Variants in GEMIN2 observed in about 807,000 individuals in gnomAD.
GEMIN2 encodes the protein gem-associated protein 2.
Under a neutral mutation model 45.8 loss-of-function variants are expected in GEMIN2, and 37 were observed. That is an observed-to-expected ratio of 0.81 (90% CI 0.62 to 1.06). GEMIN2 has a LOEUF of 1.06. Among genes scored for constraint, GEMIN2 ranks in the 50% least tolerant of loss-of-function variants. The pLI is 0.00. For missense variants in GEMIN2, 335 were observed against 321.8 expected (o/e 1.04, Z -0.31); for synonymous variants, 101 against 111.5 (o/e 0.91, Z 0.60).
At chr14:39,133,828 CTG>C (rs2052751399) in intron 9 of GEMIN2, 109 bp downstream of exon 9, 1 of 600,056 alleles carries the variant, frequency 1.7e-6, no homozygotes, top group East Asian at 3.1e-5. Flanking sequence ...GAGTCTCACT[CTG>C]TTGCTATAGT....
At chr14:39,133,330 T>A (rs927535595) in intron 8 of GEMIN2, among the ~76,000 whole-genome samples, 14 of 148,422 alleles carry the variant, frequency 9.4e-5, no homozygotes, top group Admixed American at 3.4e-4. Flanking sequence ...TATATATATA[T>A]ATATTCATCA....
At chr14:39,134,284 T>C (rs2052756941) in intron 9 of GEMIN2, 1 of 152,264 alleles carries the variant, frequency 6.6e-6, no homozygotes, top group Non-Finnish European at 1.5e-5. Context: ...AATGGCACCA[T>C]CTCGGCTCAC....
At chr14:39,118,670 C>T (rs757099396) in intron 4 of GEMIN2, 71 bp downstream of exon 4, 7 of 688,750 alleles carry the variant, frequency 1.0e-5, no homozygotes, top group East Asian at 2.5e-5. Context: ...TACTTCCAGT[C>T]GTTAAAGATT....
At chr14:39,132,302 G>A (rs189348395) in intron 8 of GEMIN2, among the ~76,000 whole-genome samples, 55 of 152,114 alleles carry the variant, frequency 3.6e-4, no homozygotes, top group Non-Finnish European at 6.3e-4. Context: ...AGGCTGAGGC[G>A]GGTGGCTCAC....
Position 39,136,674 on chromosome 14 carries a change from CCACT to C in GEMIN2, c.*198_*201del, listed in dbSNP as rs1265109429. 11 of 494,594 alleles carry C rather than the reference CCACT, an allele frequency of 2.2e-5. No individual in the cohort carries two copies. Among genetic ancestry groups the C allele is most frequent in the South Asian group, 1.0e-4 (3 of 28,734 alleles). 30.6% of individuals were successfully genotyped at this position (494,594 alleles called of 1,614,324 possible). ...ATATCTGAAATATCAATGGAAAATC[CCACT>C]CAGTTTTTGATGAACAGTTTGAACA... On this transcript the variant is annotated 3_prime_UTR_variant, in exon 10 of 10. Coordinates refer to ENST00000308317, the MANE Select transcript of GEMIN2 (RefSeq NM_003616.3).
At chr14:39,130,985 C>T (rs1330862930) in intron 7 of GEMIN2, among the ~76,000 whole-genome samples, 2 of 151,636 alleles carry the variant, frequency 1.3e-5, no homozygotes, top group Non-Finnish European at 2.9e-5. Context: ...GATATTACAA[C>T]TGATGAAATT....
chr14:39,128,372 CATA>C (rs1430590949), intron 7 of GEMIN2, 24 bp downstream of exon 7: 2 of 1,353,792 alleles, frequency 1.5e-6, no homozygotes, highest in African/African-American at 1.5e-5. Context: ...TTTTTCTTTT[CATA>C]ATGTAGGCAA....
In GEMIN2 at chr14:39,114,900, G is replaced by C. The variant is rs1387923634; in HGVS notation, c.209G>C (p.Ser70Thr). 2 of 1,516,242 alleles carry C rather than the reference G, an allele frequency of 1.3e-6. No homozygotes were observed. The highest frequency in any genetic ancestry group is 2.7e-5 in the African/African-American group (2 of 73,028). 93.9% of individuals were successfully genotyped at this position (1,516,242 alleles called of 1,614,324 possible). A position where few individuals can be genotyped will look rare whatever the true frequency, so the allele number is the denominator to read the frequency against. The change falls in exon 2 of 10, where the codon AGT becomes ACT. Residue 70 changes from serine (S) to threonine (T), a missense_variant. Physicochemically the swap from Ser to Thr is moderately conservative, Grantham distance 58. Coordinates refer to ENST00000308317, the MANE Select transcript of GEMIN2 (RefSeq NM_003616.3). ...IDPKKLKRKQ[S>T]VNISLSGCQP... ...CCAAAGAAGTTGAAAAGGAAGCAAA[G>C]TGTGAATATTTCTGTGAGTTTTATT...
At position 39,136,599 on chromosome 14, in the gene GEMIN2, A is replaced by ATAGTG; in HGVS notation, c.*121_*122insAGTGT. ...CTTCAACACTATGTGAAGGGTTCAC[A>ATAGTG]TCTTAACCTGTGCAATTCAGATTGA... On this transcript the variant is annotated 3_prime_UTR_variant, in exon 10 of 10. Transcript: ENST00000308317. 2.6e-6 allele frequency: 2 copies of ATAGTG among 760,160 alleles called. No individual in the cohort carries two copies. Among genetic ancestry groups the ATAGTG allele is most frequent in the Non-Finnish European group, 4.6e-6 (2 of 438,888 alleles). The allele number at this position is 760,160 out of a possible 1,614,324, so 47.1% of individuals were successfully genotyped here.
At chr14:39,126,491 T>G (rs775270468) in intron 6 of GEMIN2, among the ~76,000 whole-genome samples, 1 of 152,140 alleles carries the variant, frequency 6.6e-6, no homozygotes, top group South Asian at 2.1e-4. Flanking sequence ...ACAATTTTTT[T>G]TGTGGGTGAT....
chr14:39,122,494 G>C lies in GEMIN2; in HGVS notation c.437G>C (p.Gly146Ala). The change falls in exon 5 of 10, where the codon GGG becomes GCG. Residue 146 changes from glycine (G) to alanine (A), a missense_variant. Coordinates refer to ENST00000308317, the MANE Select transcript of GEMIN2 (RefSeq NM_003616.3). ...CTGGGTGAAAAGTTATGTGCTGACG[G>C]GGCTGTTGGACCAGCCACAAATGAA... Reference protein sequence around the residue: ...FCLGEKLCADGAVGPATNESP... With the variant: ...FCLGEKLCADAAVGPATNESP... 6.2e-7 allele frequency: 1 copy of C among 1,609,820 alleles called. No homozygotes were observed. Among genetic ancestry groups the C allele is most frequent in the Non-Finnish European group, 8.5e-7 (1 of 1,176,684 alleles).
intron 9 of GEMIN2, 170 bp downstream of exon 9, chr14:39,133,889 G>C (rs45622837): frequency 0.11 from 44,864 of 419,926 alleles, 3,225 homozygotes; most frequent in East Asian, 0.32. Context: ...AACTTCCTGG[G>C]CTCCAGCAAT....
At chr14:39,129,487 C>T (rs2052687800) in intron 7 of GEMIN2, among the ~76,000 whole-genome samples, 1 of 152,178 alleles carries the variant, frequency 6.6e-6, no homozygotes, top group African/African-American at 2.4e-5. Context: ...GATCTCGGCT[C>T]ACTGCAGCCT....
intron 6 of GEMIN2, among the ~76,000 whole-genome samples, chr14:39,127,467 C>G (rs2052659544): frequency 1.3e-5 from 2 of 151,516 alleles, no homozygotes; most frequent in Non-Finnish European, 2.9e-5. Context: ...CTCAGCCTCC[C>G]TAGTAGCTGG....
chr14:39,130,937 T>G (rs8010698), intron 7 of GEMIN2, among the ~76,000 whole-genome samples: 2,242 of 151,578 alleles, frequency 0.015, 59 homozygotes, highest in African/African-American at 0.051. Context: ...GGTAAACATT[T>G]TATTATGTAT....
intron 7 of GEMIN2, among the ~76,000 whole-genome samples, chr14:39,130,895 GAAAA>G (rs796388488): frequency 7.2e-6 from 1 of 138,968 alleles, no homozygotes; most frequent in South Asian, 2.3e-4. Flanking sequence ...ACTCCATCTC[GAAAA>G]AAAAAAGAAA....
Position 39,114,344 on chromosome 14 carries a change from G to C in GEMIN2, c.6G>C (p.Ala2=), listed in dbSNP as rs548120115. The change falls in exon 1 of 10, where the codon GCG becomes GCC. Residue 2 remains alanine (A), a synonymous_variant. Transcript: ENST00000308317. ...AACTGGCTGGTTTGAAAACCATGGC[G>C]TGGGTACCAGCGGAGTCCGCAGTGG... M[A]WVPAESAVEE... is the part of the protein sequence containing the mutation. The C allele has an allele frequency of 1.2e-6, 2 of 1,613,974 alleles. No individual in the cohort carries two copies. Among genetic ancestry groups the C allele is most frequent in the Non-Finnish European group, 1.7e-6 (2 of 1,179,874 alleles).
intron 9 of GEMIN2, 60 bp downstream of exon 9, chr14:39,133,779 A>G: frequency 3.3e-6 from 3 of 919,474 alleles, no homozygotes; most frequent in Non-Finnish European, 4.9e-6. Flanking sequence ...GTTAGATCGT[A>G]TTTATTACAT....
At chr14:39,124,730 G>A (rs1247133761) in intron 5 of GEMIN2, among the ~76,000 whole-genome samples, 2 of 151,884 alleles carry the variant, frequency 1.3e-5, no homozygotes, top group East Asian at 1.9e-4. Flanking sequence ...CCAAGATCGC[G>A]CCACTACACT....
Sources: gnomAD v4.1 joint callset for allele counts (sites outside exome capture counted in the v4.1 genomes callset) on GRCh38, gnomAD v4.1.1 for gene constraint, MANE v1.5 for transcripts, NCBI Gene and HGNC (gene_info 2026-07-23, HGNC 2026-07-21) for gene names.